Variants in SLC30A8 observed in about 807,000 individuals in gnomAD.
The protein encoded by SLC30A8 is proton-coupled zinc antiporter SLC30A8.
Under a neutral mutation model 36.9 loss-of-function variants are expected in SLC30A8, and 27 were observed. The ratio of observed to expected loss-of-function variants is 0.73; its 90% CI spans 0.54 to 1.01. The LOEUF (loss-of-function observed/expected upper bound fraction) is 1.01, where lower values mean the gene tolerates loss of function less well. SLC30A8 is among the 50% of genes least tolerant of loss of function. The probability of loss-of-function intolerance (pLI) is 0.00; values close to 1 mark genes in which losing one functional copy is unlikely to be tolerated. For synonymous variants in SLC30A8, 164 were observed against 172.4 expected, an observed-to-expected ratio of 0.95 and a Z score of 0.38; for missense variants, 439 against 452.0, an observed-to-expected ratio of 0.97 and a Z score of 0.26.
chr8:117,146,704 A>G, intron 1 of SLC30A8: 2 of 624,766 alleles, frequency 3.2e-6, no homozygotes, highest in Non-Finnish European at 4.8e-6. Flanking sequence ...ATATCTCTTA[A>G]TAATTGGTGG....
At chr8:117,155,361 A>C (rs1822424171) in intron 3 of SLC30A8, among the ~76,000 whole-genome samples, 1 of 152,146 alleles carries the variant, frequency 6.6e-6, no homozygotes, top group Non-Finnish European at 1.5e-5. Context: ...CATGGATAGG[A>C]AGCACACTAC....
chr8:117,160,435 GCGCGCACA>G lies in SLC30A8; in HGVS notation c.573-1302_573-1295del, dbSNP rs201806088. On this transcript the variant is annotated intron_variant, in intron 4 of 7. Transcript: ENST00000456015. ...TGTGTGTGTGTGTGTGTGTGTGTGT[GCGCGCACA>G]TGTGCGCGCGGTGGGGGAGTGGGGT... is the stretch of plus-strand genomic sequence containing the variant. Among the ~76,000 whole-genome samples the G allele has an allele frequency of 4.3e-3, 608 of 142,588 alleles. 3 individuals carry two copies. Among genetic ancestry groups the G allele is most frequent in the African/African-American group, 0.016 (565 of 34,284 alleles). 93.5% of individuals were successfully genotyped at this position (142,588 alleles called of 152,430 possible).
intron 1 of SLC30A8, among the ~76,000 whole-genome samples, chr8:116,976,643 G>T (rs1219279715): frequency 6.6e-6 from 1 of 152,084 alleles, no homozygotes; most frequent in Non-Finnish European, 1.5e-5. Flanking sequence ...AGAGGGCAAA[G>T]CCAGGAGCGC....
At chr8:117,030,897 G>T (rs1304567971) in intron 1 of SLC30A8, among the ~76,000 whole-genome samples, 1 of 152,170 alleles carries the variant, frequency 6.6e-6, no homozygotes, top group Non-Finnish European at 1.5e-5. Flanking sequence ...AGACATGTGT[G>T]CTTTCTCAGC....
chr8:117,161,854 G>A lies in SLC30A8; in HGVS notation c.689G>A (p.Ser230Asn), dbSNP rs759642504. Residue 230 changes from serine to asparagine, a missense_variant, in exon 5 of 8, where the codon AGT (serine) becomes AAT (asparagine). Transcript: ENST00000456015. ...HALGDLFQSI[S>N]VLISALIIYF... ...CTTGGAGATCTATTTCAGAGTATCA[G>A]TGTGCTAATTAGTGCACTTATTATC... 3.7e-6 allele frequency: 6 copies of A among 1,613,928 alleles called. No individual in the cohort carries two copies. In the Admixed American group the frequency reaches 6.7e-5, roughly 18 times the overall value.
chr8:117,039,401 C>A (rs1018357079), intron 2 of SLC30A8: 3 of 152,030 alleles, frequency 2.0e-5, no homozygotes, highest in African/African-American at 7.2e-5. Context: ...TGGCTTACAT[C>A]TTTCTTAATA....
At chr8:117,043,519 C>T (rs1672651017) in intron 2 of SLC30A8, among the ~76,000 whole-genome samples, 1 of 152,152 alleles carries the variant, frequency 6.6e-6, no homozygotes, top group South Asian at 2.1e-4. Flanking sequence ...TGGGGAGATA[C>T]CACACAGGTG....
chr8:117,065,078 T>C (rs760343634), intron 2 of SLC30A8, among the ~76,000 whole-genome samples: 1 of 152,178 alleles, frequency 6.6e-6, no homozygotes, highest in Non-Finnish European at 1.5e-5. Flanking sequence ...TTTTATATTT[T>C]ATTTTATTAT....
intron 1 of SLC30A8, among the ~76,000 whole-genome samples, chr8:117,031,562 G>C (rs1817050296): frequency 6.6e-6 from 1 of 151,788 alleles, no homozygotes; most frequent in Non-Finnish European, 1.5e-5. Context: ...CTGGGTTCAA[G>C]CGATTCTCCC....
intron 2 of SLC30A8, among the ~76,000 whole-genome samples, chr8:117,039,460 C>T (rs964507577): frequency 8.5e-5 from 13 of 152,252 alleles, no homozygotes; most frequent in African/African-American, 3.1e-4. Flanking sequence ...TCTGGTGCTT[C>T]TTTTTCTGCT....
At chr8:117,137,628 T>C (rs919176005) in intron 1 of SLC30A8, among the ~76,000 whole-genome samples, 7 of 151,984 alleles carry the variant, frequency 4.6e-5, no homozygotes, top group Admixed American at 6.6e-5. Context: ...GATCTTTGTG[T>C]TGGCTTTTGC....
At chr8:117,068,554 A>T (rs1316268072) in intron 2 of SLC30A8, among the ~76,000 whole-genome samples, 2 of 152,072 alleles carry the variant, frequency 1.3e-5, no homozygotes, top group Admixed American at 1.3e-4. Flanking sequence ...CTCAGTGAGC[A>T]TCACCACTTT....
chr8:116,957,864 A>T (rs1297295043), intron 1 of SLC30A8, among the ~76,000 whole-genome samples: 1 of 152,192 alleles, frequency 6.6e-6, no homozygotes, highest in East Asian at 1.9e-4. Flanking sequence ...ATCAATAGCC[A>T]TGCACCAGCT....
chr8:116,975,451 G>A (rs796205300), intron 1 of SLC30A8, among the ~76,000 whole-genome samples: 8 of 152,134 alleles, frequency 5.3e-5, no homozygotes, highest in African/African-American at 1.9e-4. Context: ...TAAAATATGT[G>A]GTCTGTCTTA....
chr8:116,983,720 T>G (rs1392441382), intron 1 of SLC30A8, among the ~76,000 whole-genome samples: 1 of 152,196 alleles, frequency 6.6e-6, no homozygotes, highest in Non-Finnish European at 1.5e-5. Flanking sequence ...TTTTAAATGC[T>G]TTTTCATTTG....
At chr8:117,114,334 C>T (rs938125956) in intron 2 of SLC30A8, among the ~76,000 whole-genome samples, 2 of 152,092 alleles carry the variant, frequency 1.3e-5, no homozygotes, top group Non-Finnish European at 2.9e-5. Flanking sequence ...TATCCCCTTC[C>T]ACCTTGCCCC....
At chr8:117,061,055 G>A (rs936121047) in intron 2 of SLC30A8, among the ~76,000 whole-genome samples, 3 of 152,082 alleles carry the variant, frequency 2.0e-5, no homozygotes, top group African/African-American at 7.2e-5. Flanking sequence ...CAGCAAGCCT[G>A]CTCATTTGCT....
rs371274031 is a variant in SLC30A8 at position 117,120,243 on chromosome 8, A to G, written c.-225-15037A>G. Among the ~76,000 whole-genome samples, 15 of 152,118 alleles carry G rather than the reference A, an allele frequency of 9.9e-5. No individual in the cohort carries two copies. In the East Asian group the frequency reaches 1.7e-3, roughly 18 times the overall value. ...ATTTCGTATCTGTAGTAATTGAAAC[A>G]GTATAGTACTTACATAAAGACAGAT... On this transcript the variant is annotated intron_variant, in intron 2 of 10. Coordinates refer to the SLC30A8 transcript ENST00000427715.
At chr8:117,039,897 C>A (rs981174330) in intron 2 of SLC30A8, among the ~76,000 whole-genome samples, 14 of 152,150 alleles carry the variant, frequency 9.2e-5, no homozygotes, top group African/African-American at 3.1e-4. Context: ...GACCTCTAGA[C>A]CTTTCTAGGC....
Sources: gnomAD v4.1 joint callset for allele counts (sites outside exome capture counted in the v4.1 genomes callset) on GRCh38, gnomAD v4.1.1 for gene constraint, MANE v1.5 for transcripts, NCBI Gene and HGNC (gene_info 2026-07-23, HGNC 2026-07-21) for gene names.